MYOF: variants seen among roughly 807,000 people sequenced by gnomAD.
MYOF encodes myoferlin.
A neutral mutation model predicts 284.2 loss-of-function variants in MYOF; 244 were observed. That is an observed-to-expected ratio of 0.86 (90% CI 0.77 to 0.95). MYOF has a LOEUF of 0.95. Ranked by LOEUF, MYOF falls within the 40% of genes least tolerant of loss-of-function variation. The pLI is 0.00. For missense variants in MYOF, 2,496 were observed against 2,560.6 expected (o/e 0.97, Z 0.54); for synonymous variants, 904 against 919.7 (o/e 0.98, Z 0.31).
intron 51 of MYOF, among the ~76,000 whole-genome samples, chr10:93,312,562 G>A (rs1255824348): frequency 6.6e-6 from 1 of 151,726 alleles, no homozygotes; most frequent in Non-Finnish European, 1.5e-5. Context: ...GTTTTGCCAC[G>A]TTGGCCAGGC....
chr10:93,439,866 A>G (rs1029712576), intron 3 of MYOF, among the ~76,000 whole-genome samples: 1 of 152,228 alleles, frequency 6.6e-6, no homozygotes, highest in African/African-American at 2.4e-5. Context: ...GAATGAATAG[A>G]TAAGAACCCT....
intron 20 of MYOF, among the ~76,000 whole-genome samples, 170 bp downstream of exon 20, chr10:93,381,049 T>A (rs762315121): frequency 6.6e-6 from 1 of 152,092 alleles, no homozygotes; most frequent in Non-Finnish European, 1.5e-5. Context: ...GTCTGGCCAG[T>A]CTTTAAGGTG....
chr10:93,391,837 T>C (rs1382179728), intron 17 of MYOF, among the ~76,000 whole-genome samples: 1 of 152,224 alleles, frequency 6.6e-6, no homozygotes, highest in Non-Finnish European at 1.5e-5. Context: ...TTTACCTTTT[T>C]GAATCCCCTT....
At chr10:93,322,890 C>G (rs1338251047) in intron 48 of MYOF, among the ~76,000 whole-genome samples, 188 bp downstream of exon 48, 1 of 152,190 alleles carries the variant, frequency 6.6e-6, no homozygotes, top group East Asian at 1.9e-4. Context: ...TCCTCATAAA[C>G]AAAGTCTGTA....
intron 17 of MYOF, among the ~76,000 whole-genome samples, chr10:93,391,997 G>T (rs1055413905): frequency 6.6e-6 from 1 of 152,086 alleles, no homozygotes; most frequent in South Asian, 2.1e-4. Context: ...ACCTACTACT[G>T]GTTCTATCAT....
chr10:93,310,574 G>T lies in MYOF; in HGVS notation c.5959C>A (p.Arg1987=), dbSNP rs201849605. 3.2e-4 allele frequency: 511 copies of T among 1,613,726 alleles called. No individual in the cohort carries two copies. Among genetic ancestry groups the T allele is most frequent in the Non-Finnish European group, 4.0e-4 (469 of 1,179,854 alleles). Residue 1987 remains arginine (R), a synonymous_variant, in exon 52 of 54, where the codon CGG becomes AGG. Transcript: ENST00000359263. The part of the protein sequence containing the change: ...EADERPAGKG[R]DEPNMNPKLD... ...TTGGGGTTCATGTTGGGTTCGTCCC[G>T]CCCCTTCCCGGCTGGCCTCTCGTCG...
In MYOF at chr10:93,319,918, G is replaced by C; in HGVS notation, c.5552C>G (p.Pro1851Arg). ...TTGTTCGGCTGGAAGGTAGTCAAAC[G>C]GGAAAACAAATCGCCAGTTAAAATT... ...EGNFNWRFVFPFDYLPAEQLC... is the reference protein window; with the variant it reads ...EGNFNWRFVFRFDYLPAEQLC... The change falls in exon 49 of 54, where the codon CCG (proline) becomes CGG (arginine). Residue 1851 changes from proline to arginine, a missense_variant. Coordinates refer to ENST00000359263, the MANE Select transcript of MYOF (RefSeq NM_013451.4). 1 of 1,614,136 alleles carries C rather than the reference G, an allele frequency of 6.2e-7. No individual in the cohort carries two copies. The highest frequency in any genetic ancestry group is 8.5e-7 in the Non-Finnish European group (1 of 1,180,022).
Position 93,396,055 on chromosome 10 carries a change from G to T in MYOF, c.1417+87C>A, listed in dbSNP as rs76364932. 6.1e-5 allele frequency: 61 copies of T among 1,007,574 alleles called. No homozygotes were observed. In the African/African-American group the frequency reaches 8.5e-4, roughly 14 times the overall value. The allele number at this position is 1,007,574 out of a possible 1,614,324, so 62.4% of individuals were successfully genotyped here. On this transcript the variant is annotated intron_variant, in intron 16 of 53. Coordinates refer to ENST00000359263, the MANE Select transcript of MYOF (RefSeq NM_013451.4). ...TGGCTTCTAAGAAACCAAACCTACT[G>T]TGAGGTGGCTACCCCAGTTCATTTT...
intron 1 of MYOF, among the ~76,000 whole-genome samples, chr10:93,468,960 G>A (rs10882240): frequency 0.72 from 110,106 of 152,136 alleles, 41,274 homozygotes; most frequent in Non-Finnish European, 0.83. Context: ...AGCATCCCAA[G>A]ACCCAGCTTC....
intron 7 of MYOF, among the ~76,000 whole-genome samples, chr10:93,408,018 G>C (rs569096390): frequency 2.6e-5 from 4 of 152,210 alleles, no homozygotes; most frequent in Admixed American, 6.5e-5. Context: ...CAGCATCTCT[G>C]AGAACCACTG....
chr10:93,362,845 A>C (rs183609563), intron 27 of MYOF, among the ~76,000 whole-genome samples: 2 of 152,322 alleles, frequency 1.3e-5, no homozygotes, highest in Admixed American at 1.3e-4. Flanking sequence ...TTTTGTTGAA[A>C]ATATGAATTT....
intron 27 of MYOF, among the ~76,000 whole-genome samples, chr10:93,363,054 G>GGAT (rs1399275146): frequency 6.6e-6 from 1 of 152,018 alleles, no homozygotes; most frequent in Admixed American, 6.5e-5. Context: ...CAGAAAGAGG[G>GGAT]GATTAAATGA....
chr10:93,414,991 T>C (rs1006148976), intron 5 of MYOF, among the ~76,000 whole-genome samples: 8 of 152,138 alleles, frequency 5.3e-5, no homozygotes, highest in Admixed American at 2.6e-4. Flanking sequence ...TGATCCACCC[T>C]CCTCGGCCTC....
Position 93,306,949 on chromosome 10 carries a change from A to G in MYOF, c.*14T>C, listed in dbSNP as rs1179665306. 1 of 1,611,658 alleles carries G rather than the reference A, an allele frequency of 6.2e-7. No individual in the cohort carries two copies. The highest frequency in any genetic ancestry group is 2.2e-5 in the East Asian group (1 of 44,864). On this transcript the variant is annotated 3_prime_UTR_variant, in exon 54 of 54. Transcript: ENST00000359263. ...CATTGCTGGATGACTCTTGAAATGA[A>G]GCCTTTGCCTTTGTTACACATTTGG...
intron 43 of MYOF, among the ~76,000 whole-genome samples, chr10:93,331,047 TC>T: frequency 6.6e-6 from 1 of 152,254 alleles, no homozygotes; most frequent in Admixed American, 6.5e-5. Flanking sequence ...TTCTGAGAAG[TC>T]CTGCAATTAT....
chr10:93,452,855 A>C (rs1025542355), intron 2 of MYOF, among the ~76,000 whole-genome samples: 2 of 152,180 alleles, frequency 1.3e-5, no homozygotes, highest in African/African-American at 2.4e-5. Flanking sequence ...ATTTTCTAAA[A>C]TGCCTCTCAT....
intron 9 of MYOF, 144 bp downstream of exon 9, chr10:93,403,872 ACAAGCCC>A: frequency 1.3e-6 from 1 of 778,988 alleles, no homozygotes; most frequent in Non-Finnish European, 2.1e-6. Flanking sequence ...TTGGAAATAG[ACAAGCCC>A]CAAGCAGCCT....
intron 3 of MYOF, among the ~76,000 whole-genome samples, chr10:93,448,364 A>G (rs2056495819): frequency 6.6e-6 from 1 of 151,838 alleles, no homozygotes; most frequent in Admixed American, 6.6e-5. Context: ...ACCCTTGACA[A>G]CTTTCCCTTT....
At chr10:93,328,209 A>C (rs1032299378) in intron 45 of MYOF, among the ~76,000 whole-genome samples, 1 of 152,100 alleles carries the variant, frequency 6.6e-6, no homozygotes, top group African/African-American at 2.4e-5. Flanking sequence ...CCCCCGTGCA[A>C]AATATGGAAG....
Sources: gnomAD v4.1 joint callset for allele counts (sites outside exome capture counted in the v4.1 genomes callset) on GRCh38, gnomAD v4.1.1 for gene constraint, MANE v1.5 for transcripts, NCBI Gene and HGNC (gene_info 2026-07-23, HGNC 2026-07-21) for gene names.